USP12: variants seen among roughly 807,000 people sequenced by gnomAD.
USP12 encodes ubiquitin carboxyl-terminal hydrolase 12.
A neutral mutation model predicts 45.5 loss-of-function variants in USP12; 19 were observed. The ratio of observed to expected loss-of-function variants is 0.42; its 90% CI spans 0.29 to 0.61. The LOEUF (loss-of-function observed/expected upper bound fraction) is 0.61. Among genes scored for constraint, USP12 ranks in the 20% least tolerant of loss-of-function variants. The pLI is 0.22. For missense variants in USP12, 242 were observed against 447.7 expected (o/e 0.54, Z 4.15); for synonymous variants, 149 against 148.8 (o/e 1.00, Z -0.01).
chr13:27,146,492 C>A (rs1877315973), intron 1 of USP12, among the ~76,000 whole-genome samples: 1 of 152,134 alleles, frequency 6.6e-6, no homozygotes, highest in Non-Finnish European at 1.5e-5. Context: ...AGGATAGAAT[C>A]AAGCAATTAG....
At chr13:27,086,282 T>TACACACACAC (rs71083627) in intron 6 of USP12, among the ~76,000 whole-genome samples, 84 of 137,424 alleles carry the variant, frequency 6.1e-4, no homozygotes, top group Middle Eastern at 3.6e-3. Flanking sequence ...TATATATAAT[T>TACACACACAC]ACACACACAC....
At position 27,102,014 on chromosome 13, in the gene USP12, T is replaced by TGAAA. The variant is rs71083631; in HGVS notation, c.343+3716_343+3717insTTTC. Among the ~76,000 whole-genome samples the TGAAA allele has an allele frequency of 4.7e-4, 69 of 146,178 alleles. No homozygotes were observed. In the Middle Eastern group the frequency reaches 0.01, roughly 22 times the overall value. On this transcript the variant is annotated intron_variant, in intron 3 of 8. Coordinates refer to ENST00000282344, the MANE Select transcript of USP12 (RefSeq NM_182488.4). Reference sequence around the variant, plus strand: ...ATGAGATGTATTTCCCATTTTTTAATGAATGAATGAATGAATGAATGAATG... The same window carrying TGAAA: ...ATGAGATGTATTTCCCATTTTTTAATGAAAGAATGAATGAATGAATGAATGAATG...
chr13:27,114,814 T>C (rs890704121), intron 2 of USP12, among the ~76,000 whole-genome samples: 2 of 150,708 alleles, frequency 1.3e-5, no homozygotes, highest in Admixed American at 1.3e-4. Context: ...CAAGATCCCA[T>C]CTCTACAAAT....
At chr13:27,153,131 A>G (rs567515326) in intron 1 of USP12, among the ~76,000 whole-genome samples, 3 of 152,098 alleles carry the variant, frequency 2.0e-5, no homozygotes, top group Non-Finnish European at 4.4e-5. Context: ...CAGGAGTTCA[A>G]GACTAGCCTG....
At chr13:27,131,979 AC>A (rs1876524424) in intron 1 of USP12, among the ~76,000 whole-genome samples, 1 of 152,226 alleles carries the variant, frequency 6.6e-6, no homozygotes. Context: ...AATTTTTATT[AC>A]GTGTCACTGG....
chr13:27,117,823 C>T (rs753186835), intron 1 of USP12: 2 of 518,140 alleles, frequency 3.9e-6, no homozygotes, highest in African/African-American at 3.9e-5. Flanking sequence ...CAATTCTGTG[C>T]ACCTGTGGTC....
intron 1 of USP12, among the ~76,000 whole-genome samples, chr13:27,160,134 TAAAG>T (rs1878038316): frequency 2.0e-5 from 3 of 152,190 alleles, no homozygotes; most frequent in South Asian, 2.1e-4. Flanking sequence ...AAAAACTCAA[TAAAG>T]AAAGAAACTA....
At chr13:27,141,567 G>A (rs994807100) in intron 1 of USP12, among the ~76,000 whole-genome samples, 4 of 152,102 alleles carry the variant, frequency 2.6e-5, no homozygotes. Flanking sequence ...AACAAACACA[G>A]GAGCCAGCTT....
intron 1 of USP12, among the ~76,000 whole-genome samples, chr13:27,149,349 C>G (rs1566003930): frequency 6.6e-6 from 1 of 152,196 alleles, no homozygotes; most frequent in Non-Finnish European, 1.5e-5. Flanking sequence ...AAAATTCCCT[C>G]TTGTTAACTT....
In USP12 at chr13:27,066,373, T is replaced by C. The variant is rs1593166119; in HGVS notation, c.*2910A>G. The C allele has an allele frequency of 6.6e-6, 1 of 152,238 alleles. No individual in the cohort carries two copies. The highest frequency in any genetic ancestry group is 2.4e-5 in the African/African-American group (1 of 41,448). The allele number at this position is 152,238 out of a possible 1,614,324, so 9.4% of individuals were successfully genotyped here. ...TTAAATTCACTGAAGAGCCAGGACA[T>C]GAGCGCTTTAGCCTCCCAGCTCCCA... On this transcript the variant is annotated 3_prime_UTR_variant, in exon 9 of 9. Transcript: ENST00000282344.
chr13:27,080,993 C>T (rs538721162), intron 6 of USP12, among the ~76,000 whole-genome samples: 3 of 143,088 alleles, frequency 2.1e-5, no homozygotes, highest in Admixed American at 7.0e-5. Context: ...TGCTGAAGGT[C>T]GGGGTGGCTG....
intron 1 of USP12, among the ~76,000 whole-genome samples, chr13:27,157,910 T>C (rs1305868422): frequency 2.0e-5 from 3 of 152,210 alleles, no homozygotes; most frequent in Non-Finnish European, 4.4e-5. Context: ...CCAACTAGAC[T>C]GCAAGCCCTT....
chr13:27,092,958 A>C (rs1163650262), intron 4 of USP12, among the ~76,000 whole-genome samples: 1 of 152,198 alleles, frequency 6.6e-6, no homozygotes, highest in East Asian at 1.9e-4. Context: ...GCACTTTAGG[A>C]GGCCAAGGTG....
intron 6 of USP12, among the ~76,000 whole-genome samples, chr13:27,083,872 ATATT>A (rs1873878303): frequency 6.8e-6 from 1 of 146,410 alleles, no homozygotes; most frequent in South Asian, 2.1e-4. Flanking sequence ...ATATATATAT[ATATT>A]TTTTTGAGAT....
chr13:27,087,307 G>A (rs1874106873), intron 6 of USP12, among the ~76,000 whole-genome samples: 1 of 151,584 alleles, frequency 6.6e-6, no homozygotes, highest in African/African-American at 2.4e-5. Flanking sequence ...GTGCATGCAG[G>A]GAGCGGGGGC....
At chr13:27,164,444 A>G (rs1056533581) in intron 1 of USP12, among the ~76,000 whole-genome samples, 2 of 152,220 alleles carry the variant, frequency 1.3e-5, no homozygotes, top group Non-Finnish European at 2.9e-5. Context: ...GGTCCTTCTG[A>G]AAGAGAAGCA....
rs967237478 is a variant in USP12, at chr13:27,070,093, G to T, written c.1012-709C>A. On this transcript the variant is annotated intron_variant, in intron 8 of 8. Transcript: ENST00000282344. ...GACAAAAAGTCAAATTTCTAACTTGGTATATTCATACAGTAGAAAATGACA... is the reference window on the plus strand; with the variant it reads ...GACAAAAAGTCAAATTTCTAACTTGTTATATTCATACAGTAGAAAATGACA... Among the ~76,000 whole-genome samples the T allele has an allele frequency of 3.9e-5, 6 of 152,156 alleles. No homozygotes were observed. In the South Asian group the frequency reaches 1.0e-3, roughly 26 times the overall value.
intron 6 of USP12, among the ~76,000 whole-genome samples, chr13:27,087,312 G>A (rs55780734): frequency 0.056 from 8,427 of 151,696 alleles, 282 homozygotes; most frequent in Middle Eastern, 0.096. Flanking sequence ...TGCAGGGAGC[G>A]GGGGCAGGAA....
At chr13:27,099,067 C>G (rs1225512803) in intron 3 of USP12, among the ~76,000 whole-genome samples, 1 of 152,090 alleles carries the variant, frequency 6.6e-6, no homozygotes, top group Non-Finnish European at 1.5e-5. Flanking sequence ...AACCCCATCT[C>G]CACTAAAAAT....
Sources: gnomAD v4.1 joint callset for allele counts (sites outside exome capture counted in the v4.1 genomes callset) on GRCh38, gnomAD v4.1.1 for gene constraint, MANE v1.5 for transcripts, NCBI Gene and HGNC (gene_info 2026-07-23, HGNC 2026-07-21) for gene names.